PTF1A: variants seen among roughly 807,000 people sequenced by gnomAD.
PTF1A encodes the protein pancreas associated transcription factor 1a.
In PTF1A, 18 loss-of-function variants were observed where a neutral mutation model predicts 22.6. The ratio of observed to expected loss-of-function variants is 0.80; its 90% CI spans 0.55 to 1.18. The LOEUF is 1.18. PTF1A is among the 50% of genes most tolerant of loss of function. The pLI is 0.00. For missense variants in PTF1A, 477 were observed against 473.0 expected (o/e 1.01, Z -0.08); for synonymous variants, 259 against 227.9 (o/e 1.14, Z -1.23).
At position 23,192,959 on chromosome 10, in the gene PTF1A, AGCGGCGGCTGCGGCGGCGCGGCGCCG is replaced by A. The variant is rs1840912338; in HGVS notation, c.437_462del (p.Ala146GlyfsTer116). 1 of 1,153,678 alleles carries A rather than the reference AGCGGCGGCTGCGGCGGCGCGGCGCCG, an allele frequency of 8.7e-7. No homozygotes were observed. Among genetic ancestry groups the A allele is most frequent in the Non-Finnish European group, 1.1e-6 (1 of 940,562 alleles). 71.5% of individuals were successfully genotyped at this position (1,153,678 alleles called of 1,614,324 possible). A position where few individuals can be genotyped will look rare whatever the true frequency, so the allele number is the denominator to read the frequency against. ...GGGCGCGGCTGCGCGGCCTGAGCGG[AGCGGCGGCTGCGGCGGCGCGGCGCCG>A]GCGGCGGGTGCGCTCCGAGGCGGAG... On this transcript the variant is annotated frameshift_variant, in exon 1 of 2. Transcript: ENST00000376504. LOFTEE classifies it high-confidence loss of function.
chr10:23,192,848 G>GC lies in PTF1A; in HGVS notation c.323dup (p.Gly109ArgfsTer162). On this transcript the variant is annotated frameshift_variant, in exon 1 of 2. Transcript: ENST00000376504. LOFTEE classifies it high-confidence loss of function. ...GCGGCTACTGCTGCGAGACGGGGGC[G>GC]CCCCCAGGCGGCTTCCCCTACTCGC... 7.6e-7 allele frequency: 1 copy of GC among 1,308,574 alleles called. No homozygotes were observed. The highest frequency in any genetic ancestry group is 9.7e-7 in the Non-Finnish European group (1 of 1,030,252). 81.1% of individuals were successfully genotyped at this position (1,308,574 alleles called of 1,614,324 possible). A position where few individuals can be genotyped will look rare whatever the true frequency, so the allele number is the denominator to read the frequency against.
chr10:23,193,677 G>T (rs1176463701), intron 1 of PTF1A, 27 bp from the exon 2 acceptor site: 10 of 1,475,616 alleles, frequency 6.8e-6, no homozygotes, highest in Non-Finnish European at 9.5e-6. Flanking sequence ...GATATTCACA[G>T]TCTGTTTTCT....
chr10:23,193,477 T>A, intron 1 of PTF1A, 163 bp downstream of exon 1: 2 of 828,556 alleles, frequency 2.4e-6, no homozygotes, highest in Non-Finnish European at 3.6e-6. Context: ...TTTTTTTTTT[T>A]TTTATTTTTC....
At chr10:23,193,483 T>A in intron 1 of PTF1A, 169 bp downstream of exon 1, 1 of 771,768 alleles carries the variant, frequency 1.3e-6, no homozygotes, top group Non-Finnish European at 2.0e-6. Flanking sequence ...TTTTTTTTAT[T>A]TTTCTGCCAC....
rs1162033436 is a variant in PTF1A, at chr10:23,193,266, A to G, written c.736A>G (p.Ser246Gly). The change falls in exon 1 of 2, where the codon AGC (serine) becomes GGC (glycine). Residue 246 changes from serine (S) to glycine (G), a missense_variant. Transcript: ENST00000376504. ...CGGCGGCGGGCGCCTGGGCGGGGACAGCCCGGGCAGCCAGGCCCAGAAGGT... is the reference window on the plus strand; with the variant it reads ...CGGCGGCGGGCGCCTGGGCGGGGACGGCCCGGGCAGCCAGGCCCAGAAGGT... ...PGGGGRLGGDSPGSQAQKVII... is the reference protein window; with the variant it reads ...PGGGGRLGGDGPGSQAQKVII... 8.0e-7 allele frequency: 1 copy of G among 1,245,720 alleles called. No individual in the cohort carries two copies. The highest frequency in any genetic ancestry group is 1.0e-6 in the Non-Finnish European group (1 of 1,002,954). 77.2% of individuals were successfully genotyped at this position (1,245,720 alleles called of 1,614,324 possible).
Position 23,192,724 on chromosome 10 carries a change from G to C in PTF1A, c.194G>C (p.Gly65Ala), listed in dbSNP as rs757918082. Residue 65 changes from glycine to alanine, a missense_variant, in exon 1 of 2, where the codon GGG (glycine) becomes GCG (alanine). Gly to Ala is a moderately conservative substitution (Grantham distance 60). Transcript: ENST00000376504. ...HQLHEYCYRD[G>A]ACLLLQPAPP... is the part of the protein sequence containing the mutation. ...CTCCACGAGTACTGCTACCGCGACG[G>C]GGCGTGCCTGCTGCTGCAGCCCGCG... The C allele has an allele frequency of 6.5e-7, 1 of 1,529,534 alleles. No individual in the cohort carries two copies. The highest frequency in any genetic ancestry group is 1.2e-5 in the South Asian group (1 of 83,450). The allele number at this position is 1,529,534 out of a possible 1,614,324, so 94.7% of individuals were successfully genotyped here. A position where few individuals can be genotyped will look rare whatever the true frequency, so the allele number is the denominator to read the frequency against.
Position 23,192,878 on chromosome 10 carries a change from CTCG to C in PTF1A, c.349_351del (p.Ser117del). ...CAGGCGGCTTCCCCTACTCGCCCGG[CTCG>C]CCGCCCTCGTGCCTGGCCTACCCGT... On this transcript the variant is annotated inframe_deletion, in exon 1 of 2. Coordinates refer to ENST00000376504, the MANE Select transcript of PTF1A (RefSeq NM_178161.3). 1 of 1,313,280 alleles carries C rather than the reference CTCG, an allele frequency of 7.6e-7. No homozygotes were observed. 81.4% of individuals were successfully genotyped at this position (1,313,280 alleles called of 1,614,324 possible). A position where few individuals can be genotyped will look rare whatever the true frequency, so the allele number is the denominator to read the frequency against.
rs1192341489 is a variant in PTF1A at position 23,192,645 on chromosome 10, G to A, written c.115G>A (p.Gly39Ser). The change falls in exon 1 of 2, where the codon GGC becomes AGC. Residue 39 changes from glycine to serine, a missense_variant. Gly to Ser is a moderately conservative substitution (Grantham distance 56). Coordinates refer to ENST00000376504, the MANE Select transcript of PTF1A (RefSeq NM_178161.3). ...GTCTTCACGGGACCCCCTGGAGGACGGCGATGAGCTGCTGGCGGACGAGCA... is the reference window on the plus strand; with the variant it reads ...GTCTTCACGGGACCCCCTGGAGGACAGCGATGAGCTGCTGGCGGACGAGCA... Reference protein sequence around the residue: ...DQSSRDPLEDGDELLADEQAE... With the variant: ...DQSSRDPLEDSDELLADEQAE... The A allele has an allele frequency of 4.4e-6, 7 of 1,601,678 alleles. No individual in the cohort carries two copies. The highest frequency in any genetic ancestry group is 1.7e-5 in the Admixed American group (1 of 59,044).
rs368083211 is a variant in PTF1A, at chr10:23,193,797, A to G, written c.878A>G (p.Asn293Ser). ...GATGAAAAACAACTCAAGGAACAAA[A>G]TATTATCCGAACAGCCAAAGTCTGG... Reference protein sequence around the residue: ...WTDEKQLKEQNIIRTAKVWTP... With the variant: ...WTDEKQLKEQSIIRTAKVWTP... Residue 293 changes from asparagine (N) to serine (S), a missense_variant, in exon 2 of 2, where the codon AAT becomes AGT. Transcript: ENST00000376504. 1 of 1,613,926 alleles carries G rather than the reference A, an allele frequency of 6.2e-7. No individual in the cohort carries two copies. Among genetic ancestry groups the G allele is most frequent in the African/African-American group, 1.3e-5 (1 of 75,024 alleles).
In PTF1A at chr10:23,192,633, C is replaced by A. The variant is rs756696260; in HGVS notation, c.103C>A (p.Pro35Thr). 3.1e-6 allele frequency: 5 copies of A among 1,602,020 alleles called. No homozygotes were observed. In the South Asian group the frequency reaches 5.6e-5, roughly 18 times the overall value. The change falls in exon 1 of 2, where the codon CCC (proline) becomes ACC (threonine). Residue 35 changes from proline (P) to threonine (T), a missense_variant. Physicochemically the swap from Pro to Thr is conservative, Grantham distance 38 (BLOSUM62 -1). Coordinates refer to ENST00000376504, the MANE Select transcript of PTF1A (RefSeq NM_178161.3). The part of the protein sequence containing the change: ...DFFTDQSSRD[P>T]LEDGDELLAD... ...CTTCACCGACCAGTCTTCACGGGAC[C>A]CCCTGGAGGACGGCGATGAGCTGCT...
In PTF1A at chr10:23,193,122, C is replaced by A; in HGVS notation, c.592C>A (p.Arg198Ser). Reference sequence around the variant, plus strand: ...CATCCCCACGCTGCCCTACGAGAAGCGCCTCTCCAAGGTGGACACGCTGCG... The same window carrying A: ...CATCCCCACGCTGCCCTACGAGAAGAGCCTCTCCAAGGTGGACACGCTGCG... ...SHIPTLPYEK[R>S]LSKVDTLRLA... Residue 198 changes from arginine (R) to serine (S), a missense_variant, in exon 1 of 2, where the codon CGC (arginine) becomes AGC (serine). By Grantham distance (110) the Arg-to-Ser change is moderately radical (BLOSUM62 -1). Coordinates refer to ENST00000376504, the MANE Select transcript of PTF1A (RefSeq NM_178161.3). The A allele has an allele frequency of 6.9e-7, 1 of 1,446,250 alleles. No individual in the cohort carries two copies. Among genetic ancestry groups the A allele is most frequent in the Non-Finnish European group, 9.1e-7 (1 of 1,093,768 alleles). 89.6% of individuals were successfully genotyped at this position (1,446,250 alleles called of 1,614,324 possible).
rs1457009410 is a variant in PTF1A at position 23,192,485 on chromosome 10, T to C, written c.-46T>C. On this transcript the variant is annotated 5_prime_UTR_variant, in exon 1 of 2. Coordinates refer to ENST00000376504, the MANE Select transcript of PTF1A (RefSeq NM_178161.3). ...CGGGCCTTAGAAACTCACCAAGAACTAACACGCGCAGCCCGGCAGTCCCGC... is the reference window on the plus strand; with the variant it reads ...CGGGCCTTAGAAACTCACCAAGAACCAACACGCGCAGCCCGGCAGTCCCGC... 6.3e-7 allele frequency: 1 copy of C among 1,584,234 alleles called. No individual in the cohort carries two copies. Among genetic ancestry groups the C allele is most frequent in the East Asian group, 2.4e-5 (1 of 42,506 alleles).
Position 23,193,664 on chromosome 10 carries a change from T to C in PTF1A, c.785-40T>C, listed in dbSNP as rs201832721. On this transcript the variant is annotated intron_variant, in intron 1 of 1. Coordinates refer to ENST00000376504, the MANE Select transcript of PTF1A (RefSeq NM_178161.3). Reference sequence around the variant, plus strand: ...CCTGATGGGACCAATGGGAATGTGGTTGGATATTCACAGTCTGTTTTCTCT... The same window carrying C: ...CCTGATGGGACCAATGGGAATGTGGCTGGATATTCACAGTCTGTTTTCTCT... 8.0e-6 allele frequency: 11 copies of C among 1,378,740 alleles called. No individual in the cohort carries two copies. In the East Asian group the frequency reaches 2.3e-4, roughly 29 times the overall value. 85.4% of individuals were successfully genotyped at this position (1,378,740 alleles called of 1,614,324 possible). A position where few individuals can be genotyped will look rare whatever the true frequency, so the allele number is the denominator to read the frequency against.
In PTF1A at chr10:23,194,130, A is replaced by G. The variant is rs1038916359; in HGVS notation, c.*224A>G. 5 of 490,024 alleles carry G rather than the reference A, an allele frequency of 1.0e-5. No individual in the cohort carries two copies. Among genetic ancestry groups the G allele is most frequent in the Non-Finnish European group, 1.8e-5 (5 of 277,488 alleles). The allele number at this position is 490,024 out of a possible 1,614,324, so 30.4% of individuals were successfully genotyped here. Reference sequence around the variant, plus strand: ...ATTTTCTGAAAATATGCAATAGCCTATGATTTTCCTGAACTCTGTGTTGTT... The same window carrying G: ...ATTTTCTGAAAATATGCAATAGCCTGTGATTTTCCTGAACTCTGTGTTGTT... On this transcript the variant is annotated 3_prime_UTR_variant, in exon 2 of 2. Coordinates refer to ENST00000376504, the MANE Select transcript of PTF1A (RefSeq NM_178161.3).
rs1234367885 is a variant in PTF1A at position 23,193,776 on chromosome 10, A to G, written c.857A>G (p.Glu286Gly). Reference sequence around the variant, plus strand: ...GGACACTCTCTCTCATGGACTGATGAAAAACAACTCAAGGAACAAAATATT... The same window carrying G: ...GGACACTCTCTCTCATGGACTGATGGAAAACAACTCAAGGAACAAAATATT... ...LAGHSLSWTD[E>G]KQLKEQNIIR... The change falls in exon 2 of 2, where the codon GAA becomes GGA. Residue 286 changes from glutamate (E) to glycine (G), a missense_variant. Physicochemically the swap from Glu to Gly is moderately conservative, Grantham distance 98. Transcript: ENST00000376504. 30 of 1,613,960 alleles carry G rather than the reference A, an allele frequency of 1.9e-5. No homozygotes were observed. The highest frequency in any genetic ancestry group is 2.5e-5 in the Non-Finnish European group (30 of 1,179,892).
At chr10:23,193,598 C>G (rs1840926225) in intron 1 of PTF1A, 106 bp from the exon 2 acceptor site, 1 of 904,710 alleles carries the variant, frequency 1.1e-6, no homozygotes, top group Admixed American at 1.7e-5. Context: ...GAGGGTGGTT[C>G]TAGTATAACC....
At chr10:23,193,366 C>A (rs1185166399) in intron 1 of PTF1A, 52 bp downstream of exon 1, 14 of 1,422,556 alleles carry the variant, frequency 9.8e-6, no homozygotes, top group Non-Finnish European at 1.2e-5. Flanking sequence ...CACTCGAAGG[C>A]TCCGGAGGGG....
rs1481531817 is a variant in PTF1A at position 23,193,751 on chromosome 10, G to A, written c.832G>A (p.Gly278Arg). 6.2e-6 allele frequency: 10 copies of A among 1,613,834 alleles called. No homozygotes were observed. The highest frequency in any genetic ancestry group is 1.3e-5 in the African/African-American group (1 of 75,018). ...TGATTATGGCCTCCCTCCCCTAGCA[G>A]GACACTCTCTCTCATGGACTGATGA... ...DPDYGLPPLA[G>R]HSLSWTDEKQ... Residue 278 changes from glycine to arginine, a missense_variant, in exon 2 of 2, where the codon GGA becomes AGA. By Grantham distance (125) the Gly-to-Arg change is moderately radical. Transcript: ENST00000376504.
Position 23,193,706 on chromosome 10 carries a change from T to A in PTF1A, c.787T>A (p.Ser263Thr), listed in dbSNP as rs7918487. The change falls in exon 2 of 2, where the codon TCC (serine) becomes ACC (threonine). Residue 263 changes from serine (S) to threonine (T), a missense_variant and splice_region_variant. By Grantham distance (58) the Ser-to-Thr change is moderately conservative. Coordinates refer to ENST00000376504, the MANE Select transcript of PTF1A (RefSeq NM_178161.3). ...KVIICHRGTR[S>T]PSPSDPDYGL... Reference sequence around the variant, plus strand: ...GTTTTCTCTTCTCACCTGTCCAGGGTCCCCCTCCCCCAGCGACCCTGATTA... The same window carrying A: ...GTTTTCTCTTCTCACCTGTCCAGGGACCCCCTCCCCCAGCGACCCTGATTA... The A allele has an allele frequency of 2.5e-6, 4 of 1,595,098 alleles. No individual in the cohort carries two copies. The South Asian group carries it at 3.3e-5, about 13-fold the overall frequency.
Sources: allele counts gnomAD v4.1 joint callset, GRCh38; gene constraint gnomAD v4.1.1; transcripts MANE v1.5; gene names NCBI Gene and HGNC (gene_info 2026-07-23, HGNC 2026-07-21).